Variants in MTMR10 observed in about 807,000 individuals in gnomAD.
MTMR10 encodes myotubularin-related protein 10.
Under a neutral mutation model 88.1 loss-of-function variants are expected in MTMR10, and 56 were observed. The observed-to-expected ratio is 0.64, with a 90% CI of 0.51 to 0.79. The LOEUF is 0.79. Among genes scored for constraint, MTMR10 ranks in the 30% least tolerant of loss-of-function variants. The pLI, the probability that MTMR10 is intolerant of heterozygous loss-of-function variation, is 0.00. For missense variants in MTMR10, 883 were observed against 924.7 expected, an observed-to-expected ratio of 0.95 and a Z score of 0.58; for synonymous variants, 380 against 340.9, an observed-to-expected ratio of 1.11 and a Z score of -1.26.
chr15:30,932,012 G>C, the MTMR10 span, among the ~76,000 whole-genome samples: 1 of 151,730 alleles, frequency 6.6e-6, no homozygotes, highest in Non-Finnish European at 1.5e-5. Flanking sequence ...CACGAGGTCA[G>C]GAGATTGAGA....
At chr15:30,974,153 T>C (rs1251784550) in intron 5 of MTMR10, among the ~76,000 whole-genome samples, 161 bp downstream of exon 5, 1 of 151,880 alleles carries the variant, frequency 6.6e-6, no homozygotes, top group Non-Finnish European at 1.5e-5. Flanking sequence ...TCCAAGAAAA[T>C]AGTTCTATTA....
At chr15:30,990,982 T>G in intron 1 of MTMR10, 145 bp from the exon 2 acceptor site, 1 of 694,674 alleles carries the variant, frequency 1.4e-6, no homozygotes. Context: ...AACTGAGCTG[T>G]TTTTAAGATC....
the MTMR10 span, chr15:30,925,414 T>TCGGAATAATCTAAAAATCCAAAACACAGC: frequency 1.0e-6 from 1 of 974,838 alleles, no homozygotes; most frequent in Non-Finnish European, 1.5e-6. Flanking sequence ...AATCTAAAAC[T>TCGGAATAATCTAAAAATCCAAAACACAGC]CGTTTTGGAC....
chr15:30,977,626 A>G (rs1402414260), intron 2 of MTMR10, among the ~76,000 whole-genome samples: 2 of 150,450 alleles, frequency 1.3e-5, no homozygotes, highest in African/African-American at 5.0e-5. Context: ...TTCAAGATCT[A>G]AAAGTCAACT....
chr15:30,944,090 G>A, intron 14 of MTMR10: 1 of 879,950 alleles, frequency 1.1e-6, no homozygotes, highest in African/African-American at 1.8e-5. Flanking sequence ...ATTAGGACAA[G>A]AATATAGCAG....
chr15:30,964,348 G>A (rs1243562381), intron 6 of MTMR10, among the ~76,000 whole-genome samples: 2 of 152,246 alleles, frequency 1.3e-5, no homozygotes, highest in African/African-American at 4.8e-5. Context: ...TATTGTTTAT[G>A]AGATTGTTTC....
chr15:30,987,528 A>G (rs1194516228), intron 2 of MTMR10, among the ~76,000 whole-genome samples: 1 of 152,270 alleles, frequency 6.6e-6, no homozygotes, highest in Non-Finnish European at 1.5e-5. Context: ...ACATGGTGAC[A>G]GCACACAAAT....
chr15:30,932,221 C>CAAAAAA, the MTMR10 span, among the ~76,000 whole-genome samples: 2 of 49,498 alleles, frequency 4.0e-5, no homozygotes, highest in Non-Finnish European at 9.0e-5. Flanking sequence ...GACTCCATCT[C>CAAAAAA]AAAAAAAAAA....
intron 15 of MTMR10, 198 bp downstream of exon 15, chr15:30,942,692 A>C (rs3751643): frequency 0.032 from 17,974 of 557,072 alleles, 367 homozygotes; most frequent in South Asian, 0.046. Context: ...ACTCTCAGGT[A>C]CTGAGACTTT....
chr15:30,948,657 C>A, intron 12 of MTMR10, 186 bp from the exon 13 acceptor site: 1 of 607,120 alleles, frequency 1.6e-6, no homozygotes, highest in Non-Finnish European at 2.8e-6. Context: ...ACTAAATTAG[C>A]ATTTAATAGG....
the MTMR10 span, among the ~76,000 whole-genome samples, chr15:30,931,958 C>G: frequency 6.6e-6 from 1 of 150,922 alleles, no homozygotes; most frequent in Non-Finnish European, 1.5e-5. Context: ...TACGGTGGCT[C>G]ACACCTGTAA....
At chr15:30,955,514 C>A (rs561669783) in intron 9 of MTMR10, among the ~76,000 whole-genome samples, 14 of 152,194 alleles carry the variant, frequency 9.2e-5, no homozygotes, top group African/African-American at 3.1e-4. Flanking sequence ...TTGTGATTCA[C>A]CCCCCTTGGC....
chr15:30,937,520 C>T (rs367677842), downstream of MTMR10, among the ~76,000 whole-genome samples: 9 of 142,832 alleles, frequency 6.3e-5, no homozygotes, highest in Admixed American at 2.2e-4. Flanking sequence ...GGTGTGATCT[C>T]GGCTCACTGC....
intron 2 of MTMR10, among the ~76,000 whole-genome samples, chr15:30,986,087 T>C (rs928092550): frequency 3.3e-5 from 5 of 152,078 alleles, no homozygotes; most frequent in African/African-American, 1.2e-4. Flanking sequence ...GAGGCCAAGG[T>C]GAGCCAATTG....
At chr15:30,919,123 G>C in the MTMR10 span, among the ~76,000 whole-genome samples, 3 of 152,342 alleles carry the variant, frequency 2.0e-5, no homozygotes, top group Non-Finnish European at 4.4e-5. Flanking sequence ...GCTCACGCCT[G>C]TAATCCCGGC....
chr15:30,950,175 C>T (rs990527865), intron 12 of MTMR10: 1 of 152,140 alleles, frequency 6.6e-6, no homozygotes, highest in African/African-American at 2.4e-5. Context: ...GAGTAGGGTT[C>T]TCCAATACGA....
At chr15:30,955,691 A>C (rs952318895) in intron 9 of MTMR10, among the ~76,000 whole-genome samples, 2 of 152,042 alleles carry the variant, frequency 1.3e-5, no homozygotes, top group Admixed American at 6.6e-5. Flanking sequence ...GAGACCCTAC[A>C]CTCCCACATC....
the MTMR10 span, chr15:30,926,673 G>A: frequency 1.0e-6 from 1 of 985,434 alleles, no homozygotes. Flanking sequence ...CAGTAGGCCT[G>A]AAATGGTTAG....
At chr15:30,938,895 T>TATCA (rs891389326), downstream of MTMR10, 27 of 984,210 alleles carry the variant, frequency 2.7e-5, no homozygotes, top group African/African-American at 4.7e-4. Flanking sequence ...TCACCTCTTC[T>TATCA]ATCAATCACT....
Sources: allele counts gnomAD v4.1 joint callset (sites outside exome capture counted in the v4.1 genomes callset), GRCh38; gene constraint gnomAD v4.1.1; transcripts MANE v1.5; gene names NCBI Gene and HGNC (gene_info 2026-07-23, HGNC 2026-07-21).